The following SELENBP1 variants were observed in gnomAD, a reference collection of about 807,000 sequenced individuals.
The protein encoded by SELENBP1 is selenium binding protein 1.
SELENBP1 carries 71 observed loss-of-function variants against 61.0 expected under a neutral mutation model. The observed-to-expected ratio is 1.16, with a 90% CI of 0.96 to 1.42. The LOEUF is 1.42. SELENBP1 is among the 40% of genes most tolerant of loss of function. The pLI is 0.00. For missense variants in SELENBP1, 561 were observed against 605.0 expected (o/e 0.93, Z 0.76); for synonymous variants, 270 against 238.9 (o/e 1.13, Z -1.20).
rs779841616 is a variant in SELENBP1, at chr1:151,365,557, C to G, written c.1044+6G>C. ...TCCCTTCTGCTCCTCCTGCCAGGGT[C>G]TCCACCTGTCCTGTGAGGCGGGGTC... On this transcript the variant is annotated splice_donor_region_variant and intron_variant, in intron 9 of 11. Coordinates refer to ENST00000368868, the MANE Select transcript of SELENBP1 (RefSeq NM_003944.4). 29 of 1,613,988 alleles carry G rather than the reference C, an allele frequency of 1.8e-5. No homozygotes were observed. The Admixed American group carries it at 4.7e-4, about 26-fold the overall frequency.
chr1:151,366,935 A>G (rs1414169742), intron 5 of SELENBP1, 31 bp from the exon 6 acceptor site: 3 of 1,607,428 alleles, frequency 1.9e-6, no homozygotes, highest in Non-Finnish European at 2.6e-6. Context: ...GGTGGCAGGT[A>G]GAAGCAGTAG....
At chr1:151,367,083 C>T in intron 5 of SELENBP1, 179 bp from the exon 6 acceptor site, 1 of 1,406,980 alleles carries the variant, frequency 7.1e-7, no homozygotes, top group Non-Finnish European at 9.2e-7. Context: ...TGGCTCATGC[C>T]AGTAATCCCA....
At chr1:151,366,554 T>C in intron 6 of SELENBP1, 101 bp from the exon 7 acceptor site, 2 of 1,452,740 alleles carry the variant, frequency 1.4e-6, no homozygotes, top group Non-Finnish European at 1.9e-6. Context: ...AAGAAATGGA[T>C]TGGAGGGATC....
chr1:151,367,172 G>T, intron 5 of SELENBP1: 2 of 602,036 alleles, frequency 3.3e-6, no homozygotes, highest in Non-Finnish European at 4.8e-6. Context: ...GTGAAACTCT[G>T]TCTCTATTAA....
At chr1:151,370,944 A>C (rs1380436561) in intron 1 of SELENBP1, among the ~76,000 whole-genome samples, 1 of 152,210 alleles carries the variant, frequency 6.6e-6, no homozygotes, top group Admixed American at 6.5e-5. Flanking sequence ...AGAGTCTGGA[A>C]ACCTGGTTTC....
At chr1:151,371,413 A>T (rs1023880434) in intron 1 of SELENBP1, among the ~76,000 whole-genome samples, 3 of 145,886 alleles carry the variant, frequency 2.1e-5, no homozygotes, top group African/African-American at 7.5e-5. Context: ...ATTCTGACTA[A>T]AAAAAAAAAA....
chr1:151,370,197 T>C, intron 1 of SELENBP1: 1 of 416,248 alleles, frequency 2.4e-6, no homozygotes, highest in Non-Finnish European at 4.5e-6. Context: ...CAGTGGGCTT[T>C]TACGAGAAGT....
rs1186797427 is a variant in SELENBP1, at chr1:151,366,448, A to G, written c.670T>C (p.Tyr224His). 5.6e-6 allele frequency: 9 copies of G among 1,613,542 alleles called. No individual in the cohort carries two copies. The African/African-American group carries it at 1.1e-4, about 19-fold the overall frequency. The change falls in exon 7 of 12, where the codon TAC becomes CAC. Residue 224 changes from tyrosine (Y) to histidine (H), a missense_variant. Tyr to His is a moderately conservative substitution (Grantham distance 83, BLOSUM62 2). Coordinates refer to ENST00000368868, the MANE Select transcript of SELENBP1 (RefSeq NM_003944.4). Reference sequence around the variant, plus strand: ...TCCCATACATATAAGTGGCTCCCGTACAGTCCTGGGGTGGGAGTGGGGCCG... The same window carrying G: ...TCCCATACATATAAGTGGCTCCCGTGCAGTCCTGGGGTGGGAGTGGGGCCG... ...FNPADVEAGL[Y>H]GSHLYVWDWQ...
At chr1:151,371,403 A>G (rs1030648501) in intron 1 of SELENBP1, among the ~76,000 whole-genome samples, 1 of 151,712 alleles carries the variant, frequency 6.6e-6, no homozygotes, top group Admixed American at 6.6e-5. Flanking sequence ...CAAGAGTGAA[A>G]TTCTGACTAA....
intron 1 of SELENBP1, chr1:151,370,041 G>A (rs1000965504): frequency 7.0e-7 from 1 of 1,420,348 alleles, no homozygotes; most frequent in African/African-American, 1.4e-5. Flanking sequence ...GATGCAGCCG[G>A]GGTCGTGTGG....
chr1:151,368,977 C>A (rs376438278), intron 4 of SELENBP1, 27 bp downstream of exon 4: 50 of 1,587,116 alleles, frequency 3.2e-5, no homozygotes, highest in Middle Eastern at 3.3e-4. Context: ...TTATGGTCTA[C>A]TGAGCTGGCA....
At chr1:151,366,495 G>T (rs1571280989) in intron 6 of SELENBP1, 42 bp from the exon 7 acceptor site, 1 of 1,594,572 alleles carries the variant, frequency 6.3e-7, no homozygotes, top group Non-Finnish European at 8.6e-7. Context: ...CAGCATCAGA[G>T]GTTGGAAGGC....
intron 5 of SELENBP1, 27 bp downstream of exon 5, chr1:151,368,172 T>C: frequency 6.2e-7 from 1 of 1,602,646 alleles, no homozygotes; most frequent in Non-Finnish European, 8.5e-7. Flanking sequence ...GTGGAAGTTT[T>C]CATGAGCACA....
intron 7 of SELENBP1, 137 bp downstream of exon 7, chr1:151,366,138 C>G: frequency 2.8e-6 from 3 of 1,090,398 alleles, no homozygotes; most frequent in South Asian, 3.1e-5. Flanking sequence ...TGCCCTAGCA[C>G]TGAGAGAAGA....
intron 8 of SELENBP1, 24 bp downstream of exon 8, chr1:151,365,743 AC>A: frequency 6.2e-7 from 1 of 1,614,096 alleles, no homozygotes; most frequent in Non-Finnish European, 8.5e-7. Context: ...CCAAGAATCA[AC>A]TTTCCTATGC....
intron 5 of SELENBP1, 57 bp from the exon 6 acceptor site, chr1:151,366,961 C>A: frequency 6.3e-7 from 1 of 1,577,300 alleles, no homozygotes; most frequent in African/African-American, 1.3e-5. Context: ...CTAACCCCAC[C>A]CTCCAGCCCT....
chr1:151,365,674 G>A lies in SELENBP1; in HGVS notation c.933C>T (p.Thr311=), dbSNP rs373594176. The change falls in exon 9 of 12, where the codon ACC becomes ACT. Residue 311 remains threonine, a synonymous_variant. Coordinates refer to ENST00000368868, the MANE Select transcript of SELENBP1 (RefSeq NM_003944.4). ...WLLPEMPGLI[T]DILLSLDDRF... is the part of the protein sequence containing the mutation. ...GGTCGTCCAGGGAGAGCAGGATGTC[G>A]GTGATCAGGCCTGTGGGCAGGGGGC... 6.8e-5 allele frequency: 110 copies of A among 1,614,140 alleles called. No individual in the cohort carries two copies. The Admixed American group carries it at 1.1e-3, about 17-fold the overall frequency.
rs750929330 is a variant in SELENBP1 at position 151,366,706 on chromosome 1, A to T, written c.664+16T>A. The T allele has an allele frequency of 6.2e-7, 1 of 1,610,750 alleles. No homozygotes were observed. Among genetic ancestry groups the T allele is most frequent in the African/African-American group, 1.3e-5 (1 of 74,838 alleles). On this transcript the variant is annotated intron_variant, in intron 6 of 11. Coordinates refer to ENST00000368868, the MANE Select transcript of SELENBP1 (RefSeq NM_003944.4). ...GTAGGCCCAAGGCTCCTGCTGGCAC[A>T]TGGGGGGATTCTCACCAGCCTCCAC... is the stretch of plus-strand genomic sequence containing the variant.
At chr1:151,368,917 T>TCTGCCAGCA in intron 4 of SELENBP1, 87 bp downstream of exon 4, 1 of 1,386,060 alleles carries the variant, frequency 7.2e-7, no homozygotes, top group African/African-American at 1.4e-5. Flanking sequence ...TGGAGGCTGC[T>TCTGCCAGCA]GGTTTAGGTC....
Sources: allele counts gnomAD v4.1 joint callset (sites outside exome capture counted in the v4.1 genomes callset), GRCh38; gene constraint gnomAD v4.1.1; transcripts MANE v1.5; gene names NCBI Gene and HGNC (gene_info 2026-07-23, HGNC 2026-07-21).